The following FUZ variants were observed in gnomAD, a reference collection of about 807,000 sequenced individuals.
FUZ encodes the protein protein fuzzy homolog.
FUZ carries 31 observed loss-of-function variants against 43.1 expected under a neutral mutation model. That is an observed-to-expected ratio of 0.72 (90% CI 0.54 to 0.97). The LOEUF is 0.97. Ranked by LOEUF, FUZ falls within the 50% of genes least tolerant of loss-of-function variation. The pLI is 0.00. For missense variants in FUZ, 539 were observed against 543.8 expected, an observed-to-expected ratio of 0.99 and a Z score of 0.09; for synonymous variants, 274 against 250.0, an observed-to-expected ratio of 1.10 and a Z score of -0.91.
intron 2 of FUZ, 137 bp from the exon 3 acceptor site, chr19:49,812,472 G>T: frequency 7.4e-7 from 1 of 1,342,734 alleles, no homozygotes; most frequent in Non-Finnish European, 1.1e-6. Flanking sequence ...AGAACATCAG[G>T]GATCAAAGAG....
rs199630469 is a variant in FUZ, at chr19:49,808,602, G to A, written c.930C>T (p.Leu310=). 5.6e-6 allele frequency: 9 copies of A among 1,613,178 alleles called. No homozygotes were observed. Among genetic ancestry groups the A allele is most frequent in the Non-Finnish European group, 6.8e-6 (8 of 1,179,668 alleles). ...TATCCCCCAAGGGCTCCACGGTGAAGAGGCAGCGCTTCAGTTCCAGGTGGA... is the reference window on the plus strand; with the variant it reads ...TATCCCCCAAGGGCTCCACGGTGAAAAGGCAGCGCTTCAGTTCCAGGTGGA... The part of the protein sequence containing the change: ...LLLHLELKRC[L]FTVEPLGDKE... The change falls in exon 9 of 11, where the codon CTC becomes CTT. Residue 310 remains leucine, a synonymous_variant. Transcript: ENST00000313777.
intron 9 of FUZ, 30 bp downstream of exon 9, chr19:49,808,544 A>G (rs1568599028): frequency 3.1e-6 from 5 of 1,591,212 alleles, no homozygotes; most frequent in Admixed American, 1.8e-5. Flanking sequence ...CGCCCCTCCT[A>G]CCCCTGCCCC....
rs2073572046 is a variant in FUZ, at chr19:49,808,830, G to A, written c.787-7C>T. 1 of 1,545,220 alleles carries A rather than the reference G, an allele frequency of 6.5e-7. No individual in the cohort carries two copies. The highest frequency in any genetic ancestry group is 8.7e-7 in the Non-Finnish European group (1 of 1,147,218). On this transcript the variant is annotated splice_polypyrimidine_tract_variant and splice_region_variant and intron_variant, in intron 7 of 10. Coordinates refer to ENST00000313777, the MANE Select transcript of FUZ (RefSeq NM_025129.5). ...GCCACCAGCGCTCCAGAAGCTGCAG[G>A]GGGCGTGGTCATTGTGAGGTCGTCA...
rs1344501589 is a variant in FUZ, at chr19:49,809,309, G to T, written c.691-51C>A. On this transcript the variant is annotated intron_variant, in intron 6 of 10. Coordinates refer to ENST00000313777, the MANE Select transcript of FUZ (RefSeq NM_025129.5). This position sits in a 1 kb window ranked among gnomAD's most constrained non-coding sequence, Gnocchi z 5.1. ...CATCGCGGCCCGGCCCCTTTCCATC[G>T]CAGATCCCGCCTCCTCGCGACTCGG... is the stretch of plus-strand genomic sequence containing the variant. The T allele has an allele frequency of 1.6e-5, 24 of 1,548,242 alleles. No individual in the cohort carries two copies. Among genetic ancestry groups the T allele is most frequent in the Non-Finnish European group, 2.1e-5 (24 of 1,146,340 alleles).
rs1288461485 is a variant in FUZ, at chr19:49,809,103, G to A, written c.786+60C>T. On this transcript the variant is annotated intron_variant, in intron 7 of 10. Transcript: ENST00000313777. The surrounding 1 kb of genome is among the most constrained non-coding windows in gnomAD (Gnocchi z 5.1). ...GCCGCTGGCAGGGCAGGGTGGTGGG[G>A]AAGGGCCCTCCTGGTAGCGGGTGTC... 8 of 1,459,846 alleles carry A rather than the reference G, an allele frequency of 5.5e-6. No homozygotes were observed. The African/African-American group carries it at 5.6e-5, about 10-fold the overall frequency. 90.4% of individuals were successfully genotyped at this position (1,459,846 alleles called of 1,614,324 possible). A position where few individuals can be genotyped will look rare whatever the true frequency, so the allele number is the denominator to read the frequency against.
At chr19:49,808,872 GCGGGGGAGGT>G (rs1197025735) in intron 7 of FUZ, 49 bp from the exon 8 acceptor site, 13 of 1,447,962 alleles carry the variant, frequency 9.0e-6, no homozygotes, top group African/African-American at 2.8e-5. Context: ...GGCGGGGCCG[GCGGGGGAGGT>G]CGGGGGGTGT....
intron 9 of FUZ, 27 bp from the exon 10 acceptor site, chr19:49,808,515 A>G: frequency 6.2e-7 from 1 of 1,604,014 alleles, no homozygotes; most frequent in Admixed American, 1.7e-5. Context: ...GCGGTGATGC[A>G]GAGCGCCTCC....
intron 5 of FUZ, among the ~76,000 whole-genome samples, chr19:49,810,785 G>A (rs1568606089): frequency 6.6e-6 from 1 of 152,078 alleles, no homozygotes; most frequent in South Asian, 2.1e-4. Context: ...AGGAGTTCAA[G>A]GCTGCAGTGA....
At position 49,811,658 on chromosome 19, in the gene FUZ, G is replaced by A. The variant is rs35832552; in HGVS notation, c.360C>T (p.Asn120=). ...TCAAGTCCTTCTTCAGTCTCTCCAC[G>A]TTGCGGATATTGGTCAGTTCTTCAA... The part of the protein sequence containing the change: ...VGLEELTNIR[N]VERLKKDLRA... The change falls in exon 4 of 11, where the codon AAC becomes AAT. Residue 120 remains asparagine (N), a synonymous_variant. Transcript: ENST00000313777. The A allele has an allele frequency of 4.1e-4, 664 of 1,614,102 alleles. 2 individuals carry two copies. The African/African-American group carries it at 7.2e-3, about 17-fold the overall frequency.
In FUZ at chr19:49,812,717, C is replaced by A; in HGVS notation, c.131G>T (p.Gly44Val). Residue 44 changes from glycine to valine, a missense_variant, in exon 2 of 11, where the codon GGT (glycine) becomes GTT (valine). Coordinates refer to ENST00000313777, the MANE Select transcript of FUZ (RefSeq NM_025129.5). ...AAACATGTGGACTCCATTGAGGGAA[C>A]CGATGACAGAGAACGGGAGCTAAGG... is the stretch of plus-strand genomic sequence containing the variant. ...ARQQLPFSVIGSLNGVHMFGQ... is the reference protein window; with the variant it reads ...ARQQLPFSVIVSLNGVHMFGQ... The A allele has an allele frequency of 6.2e-7, 1 of 1,614,074 alleles. No individual in the cohort carries two copies. Among genetic ancestry groups the A allele is most frequent in the South Asian group, 1.1e-5 (1 of 91,084 alleles).
rs1172071034 is a variant in FUZ, at chr19:49,811,690, C to A, written c.328G>T (p.Val110Leu). Residue 110 changes from valine to leucine, a missense_variant, in exon 4 of 11, where the codon GTG becomes TTG. By Grantham distance (32) the Val-to-Leu change is conservative. Transcript: ENST00000313777. ...ATATTGGTCAGTTCTTCAAGTCCCA[C>A]AAGAAGGACCTAGAAGAATCATATA... ...QMVFGAMVLL[V>L]GLEELTNIRN... is the part of the protein sequence containing the mutation. 1 of 1,613,700 alleles carries A rather than the reference C, an allele frequency of 6.2e-7. No homozygotes were observed. Among genetic ancestry groups the A allele is most frequent in the Admixed American group, 1.7e-5 (1 of 60,008 alleles).
rs1345019956 is a variant in FUZ, at chr19:49,809,585, G to C, written c.493-10C>G. 1.4e-5 allele frequency: 22 copies of C among 1,581,918 alleles called. No homozygotes were observed. The highest frequency in any genetic ancestry group is 1.9e-5 in the Non-Finnish European group (22 of 1,169,908). On this transcript the variant is annotated splice_polypyrimidine_tract_variant and intron_variant, in intron 5 of 10. Transcript: ENST00000313777. This position sits in a 1 kb window ranked among gnomAD's most constrained non-coding sequence, Gnocchi z 5.1. ...ACCCGGAGAGGGCTTCCTGGGTACG[G>C]GAGGCAGGAGGACTGGGAGTCAGCA...
chr19:49,810,279 G>A (rs1446086179), intron 5 of FUZ, among the ~76,000 whole-genome samples: 1 of 152,126 alleles, frequency 6.6e-6, no homozygotes, highest in Admixed American at 6.6e-5. Context: ...CACTATGGGA[G>A]GCTGAGGCGG....
rs1434532323 is a variant in FUZ, at chr19:49,809,090, G to A, written c.786+73C>T. On this transcript the variant is annotated intron_variant, in intron 7 of 10. Transcript: ENST00000313777. The surrounding 1 kb of genome is among the most constrained non-coding windows in gnomAD (Gnocchi z 5.1). ...GCTGGGGAAAGATGCCGCTGGCAGGGCAGGGTGGTGGGGAAGGGCCCTCCT... is the reference window on the plus strand; with the variant it reads ...GCTGGGGAAAGATGCCGCTGGCAGGACAGGGTGGTGGGGAAGGGCCCTCCT... 1.4e-5 allele frequency: 19 copies of A among 1,365,882 alleles called. No homozygotes were observed. The highest frequency in any genetic ancestry group is 2.0e-5 in the Admixed American group (1 of 50,766). 84.6% of individuals were successfully genotyped at this position (1,365,882 alleles called of 1,614,324 possible). A position where few individuals can be genotyped will look rare whatever the true frequency, so the allele number is the denominator to read the frequency against.
Position 49,808,797 on chromosome 19 carries a change from C to T in FUZ, c.813G>A (p.Leu271=), listed in dbSNP as rs1266446512. ...PQLLERWWQP[L]LDPLRACLPL... ...GCAGACAGGCCCGCAACGGGTCCAG[C>T]AGTGGCTGCCACCAGCGCTCCAGAA... The change falls in exon 8 of 11, where the codon CTG becomes CTA. Residue 271 remains leucine (L), a synonymous_variant. Transcript: ENST00000313777. The T allele has an allele frequency of 1.3e-6, 2 of 1,554,312 alleles. No individual in the cohort carries two copies. The highest frequency in any genetic ancestry group is 1.7e-6 in the Non-Finnish European group (2 of 1,149,758).
chr19:49,808,278 G>A, intron 10 of FUZ, 136 bp downstream of exon 10: 1 of 910,964 alleles, frequency 1.1e-6, no homozygotes, highest in Admixed American at 2.0e-5. Flanking sequence ...CAGATCTCAA[G>A]GAAAACCACT....
intron 5 of FUZ, among the ~76,000 whole-genome samples, chr19:49,810,572 G>A (rs999177572): frequency 1.3e-5 from 2 of 151,650 alleles, no homozygotes; most frequent in African/African-American, 2.4e-5. Context: ...CTAGCTACTC[G>A]GGAGGTTGAG....
rs2073880211 is a variant in FUZ, at chr19:49,813,290, G to T, written c.-184C>A. 1 of 700,752 alleles carries T rather than the reference G, an allele frequency of 1.4e-6. No individual in the cohort carries two copies. Among genetic ancestry groups the T allele is most frequent in the African/African-American group, 1.7e-5 (1 of 57,258 alleles). 43.4% of individuals were successfully genotyped at this position (700,752 alleles called of 1,614,324 possible). A position where few individuals can be genotyped will look rare whatever the true frequency, so the allele number is the denominator to read the frequency against. ...CAAACAGACCCTCAAACCCTATTCA[G>T]GCACCTCCCCCAAACCCATTAGGTT... On this transcript the variant is annotated 5_prime_UTR_variant, in exon 1 of 11. The change creates a new upstream start codon in the 5' untranslated region. Coordinates refer to ENST00000313777, the MANE Select transcript of FUZ (RefSeq NM_025129.5).
Position 49,809,114 on chromosome 19 carries a change from C to T in FUZ, c.786+49G>A, listed in dbSNP as rs2073614474. ...GGCAGGGTGGTGGGGAAGGGCCCTCCTGGTAGCGGGTGTCCTAAGAGCGAA... is the reference window on the plus strand; with the variant it reads ...GGCAGGGTGGTGGGGAAGGGCCCTCTTGGTAGCGGGTGTCCTAAGAGCGAA... On this transcript the variant is annotated intron_variant, in intron 7 of 10. Coordinates refer to ENST00000313777, the MANE Select transcript of FUZ (RefSeq NM_025129.5). The surrounding 1 kb of genome is among the most constrained non-coding windows in gnomAD (Gnocchi z 5.1). 1.3e-6 allele frequency: 2 copies of T among 1,513,588 alleles called. No homozygotes were observed. Among genetic ancestry groups the T allele is most frequent in the Non-Finnish European group, 1.8e-6 (2 of 1,113,360 alleles). 93.8% of individuals were successfully genotyped at this position (1,513,588 alleles called of 1,614,324 possible).
Sources: allele counts gnomAD v4.1 joint callset (sites outside exome capture counted in the v4.1 genomes callset), GRCh38; gene constraint gnomAD v4.1.1; non-coding constraint Gnocchi (gnomAD v3.1); transcripts MANE v1.5; gene names NCBI Gene and HGNC (gene_info 2026-07-23, HGNC 2026-07-21).